TENM2: variants seen among roughly 807,000 people sequenced by gnomAD.
TENM2 encodes teneurin transmembrane protein 2, also known as teneurin-2.
In TENM2, 52 loss-of-function variants were observed where a neutral mutation model predicts 245.2. The observed-to-expected ratio is 0.21, with a 90% CI of 0.17 to 0.27. The LOEUF (loss-of-function observed/expected upper bound fraction) is 0.27. Ranked by LOEUF, TENM2 falls within the 10% of genes least tolerant of loss-of-function variation. The pLI, the probability that TENM2 is intolerant of heterozygous loss-of-function variation, is 1.00. For synonymous variants in TENM2, 1,363 were observed against 1,438.9 expected (o/e 0.95, Z 1.19); for missense variants, 3,046 against 3,666.8 (o/e 0.83, Z 4.37).
intron 1 of TENM2, among the ~76,000 whole-genome samples, chr5:167,350,628 TATATATATATGGGATACGTATATGG>T (rs1758792901): frequency 5.0e-5 from 3 of 60,408 alleles, no homozygotes; most frequent in Non-Finnish European, 8.2e-5. Flanking sequence ...CATATGTGGA[TATATATATATGGGATACGTATATGG>T]ATATATATAT....
At chr5:167,389,905 C>T (rs1377972539) in intron 2 of TENM2, among the ~76,000 whole-genome samples, 1 of 152,234 alleles carries the variant, frequency 6.6e-6, no homozygotes, top group South Asian at 2.1e-4. Flanking sequence ...TCATTGTCTA[C>T]GTGTATTTTT....
rs146343353 is a variant in TENM2, at chr5:167,863,068, G to A, written c.503-12918G>A. ...CTCTGAGTTCATATCTTGGCTTTGCGCATTACTTACTGTATAACCTTTGTC... is the reference window on the plus strand; with the variant it reads ...CTCTGAGTTCATATCTTGGCTTTGCACATTACTTACTGTATAACCTTTGTC... On this transcript the variant is annotated intron_variant, in intron 2 of 28. Coordinates refer to ENST00000518659, the Ensembl canonical transcript of TENM2. Among the ~76,000 whole-genome samples, 13 of 152,210 alleles carry A rather than the reference G, an allele frequency of 8.5e-5. 1 individual carries two copies. The highest frequency in any genetic ancestry group is 5.9e-4 in the Admixed American group (9 of 15,286).
chr5:167,131,983 C>T, the TENM2 span, among the ~76,000 whole-genome samples: 3 of 151,906 alleles, frequency 2.0e-5, no homozygotes, highest in East Asian at 1.9e-4. Flanking sequence ...CCACCATGCC[C>T]GGATAATTTT....
rs141024924 is a variant in TENM2, at chr5:168,258,283, C to T, written c.7433-2000C>T. Among the ~76,000 whole-genome samples the T allele has an allele frequency of 9.3e-3, 1,412 of 152,126 alleles. 23 individuals are homozygous for T. The highest frequency in any genetic ancestry group is 0.032 in the African/African-American group (1,347 of 41,510). ...TTGGGAGGCCGAGGCGGGCAGATCA[C>T]GAGGTCAAGATATGGAGACCATCCT... On this transcript the variant is annotated intron_variant, in intron 27 of 28. Coordinates refer to ENST00000518659, the Ensembl canonical transcript of TENM2.
exon 27 of TENM2, chr5:168,248,281 G>C (rs113873627): frequency 1.2e-6 from 2 of 1,614,012 alleles, no homozygotes; most frequent in Non-Finnish European, 1.7e-6. Flanking sequence ...GTGGAAAAAC[G>C]TGGGCAAGGA....
chr5:167,276,054 G>T, the TENM2 span, among the ~76,000 whole-genome samples: 1 of 151,786 alleles, frequency 6.6e-6, no homozygotes, highest in Admixed American at 6.6e-5. Context: ...AATCTCTTTT[G>T]TTCATGGTGT....
At chr5:167,872,414 AAGAG>A (rs949285946) in intron 2 of TENM2, among the ~76,000 whole-genome samples, 18 of 150,996 alleles carry the variant, frequency 1.2e-4, no homozygotes, top group South Asian at 2.1e-4. Flanking sequence ...AAAAAAGAGA[AAGAG>A]AGAGACAGAA....
At chr5:167,379,274 T>C (rs1760950861) in intron 2 of TENM2, among the ~76,000 whole-genome samples, 1 of 152,158 alleles carries the variant, frequency 6.6e-6, no homozygotes, top group African/African-American at 2.4e-5. Context: ...TTGAGTCCTT[T>C]TGGCAAAAGG....
Position 168,247,410 on chromosome 5 carries a change from T to G in TENM2, c.6471T>G (p.His2157Gln). ...CCCTCAGCAAACACTTCGACACCCA[T>G]GGGCGGATCAAGGAGGTCCAGTATG... is the stretch of plus-strand genomic sequence containing the variant. The change falls in exon 27 of 29, where the codon CAT (histidine) becomes CAG (glutamine). Residue 2157 changes from histidine to glutamine, a missense_variant. By Grantham distance (24) the His-to-Gln change is conservative. Transcript: ENST00000518659. The surrounding 1 kb of genome is among the most constrained non-coding windows in gnomAD (Gnocchi z 7.8). The G allele has an allele frequency of 4.3e-6, 7 of 1,613,924 alleles. No individual in the cohort carries two copies. Among genetic ancestry groups the G allele is most frequent in the Non-Finnish European group, 5.9e-6 (7 of 1,179,882 alleles).
intron 2 of TENM2, among the ~76,000 whole-genome samples, chr5:167,544,659 TCATC>T (rs1285705736): frequency 6.6e-6 from 1 of 152,230 alleles, no homozygotes; most frequent in African/African-American, 2.4e-5. Context: ...ATTCATTTAT[TCATC>T]CATTCATCAT....
chr5:167,372,622 A>G (rs749082933), intron 1 of TENM2, among the ~76,000 whole-genome samples: 28 of 152,262 alleles, frequency 1.8e-4, no homozygotes, highest in Non-Finnish European at 3.4e-4. Context: ...ATGGGATTAC[A>G]TAGCTACAAA....
intron 3 of TENM2, among the ~76,000 whole-genome samples, chr5:167,887,571 C>T (rs1280540241): frequency 1.3e-5 from 2 of 152,212 alleles, no homozygotes; most frequent in Non-Finnish European, 2.9e-5. Flanking sequence ...TTTGTCTAAC[C>T]TGCGTCTTCC....
chr5:167,765,962 G>T (rs1582951285), intron 2 of TENM2, among the ~76,000 whole-genome samples: 1 of 152,138 alleles, frequency 6.6e-6, no homozygotes, highest in Admixed American at 6.5e-5. Flanking sequence ...TGGGGATCAA[G>T]CAAACACTGT....
intron 3 of TENM2, among the ~76,000 whole-genome samples, chr5:167,945,258 A>G (rs1359824860): frequency 1.3e-5 from 2 of 152,162 alleles, no homozygotes; most frequent in African/African-American, 4.8e-5. Context: ...GAGTCCAAAA[A>G]TAATATAAAA....
chr5:167,360,665 T>C (rs200112394), intron 1 of TENM2, among the ~76,000 whole-genome samples: 1 of 152,212 alleles, frequency 6.6e-6, no homozygotes, highest in East Asian at 1.9e-4. Context: ...ATTATTACTC[T>C]GCACAATTTT....
intron 2 of TENM2, among the ~76,000 whole-genome samples, chr5:167,515,410 C>G (rs2127574772): frequency 6.6e-6 from 1 of 151,510 alleles, no homozygotes; most frequent in Non-Finnish European, 1.5e-5. Context: ...GTTGTTTCAT[C>G]CAGAGTTTGT....
chr5:167,895,463 T>C (rs1775143310), intron 3 of TENM2, among the ~76,000 whole-genome samples: 1 of 152,246 alleles, frequency 6.6e-6, no homozygotes, highest in Non-Finnish European at 1.5e-5. Context: ...ACCAAATGCA[T>C]GTAACCATCA....
intron 2 of TENM2, among the ~76,000 whole-genome samples, chr5:167,685,618 T>C (rs1392933183): frequency 6.6e-6 from 1 of 152,178 alleles, no homozygotes; most frequent in Non-Finnish European, 1.5e-5. Context: ...GTCTACCTGT[T>C]CCCAATGTGT....
intron 2 of TENM2, among the ~76,000 whole-genome samples, chr5:167,799,493 G>A (rs1765552486): frequency 6.6e-6 from 1 of 151,960 alleles, no homozygotes. Flanking sequence ...TCTACTTAGG[G>A]GAAAATCAAA....
Sources: gnomAD v4.1 joint callset for allele counts (sites outside exome capture counted in the v4.1 genomes callset) on GRCh38, gnomAD v4.1.1 for gene constraint, Gnocchi (gnomAD v3.1) non-coding constraint, MANE v1.5 for transcripts, NCBI Gene and HGNC (gene_info 2026-07-23, HGNC 2026-07-21) for gene names.